The following PDE7A variants were observed in gnomAD, a reference collection of about 807,000 sequenced individuals.
PDE7A encodes the protein phosphodiesterase 7A.
In PDE7A, 39 loss-of-function variants were observed where a neutral mutation model predicts 64.3. The ratio of observed to expected loss-of-function variants is 0.61; its 90% CI spans 0.47 to 0.79. PDE7A has a LOEUF of 0.79. Ranked by LOEUF, PDE7A falls within the 30% of genes least tolerant of loss-of-function variation. The probability of loss-of-function intolerance (pLI) is 0.00; values close to 1 mark genes in which losing one functional copy is unlikely to be tolerated. For synonymous variants in PDE7A, 203 were observed against 206.8 expected (o/e 0.98, Z 0.16); for missense variants, 470 against 582.8 (o/e 0.81, Z 1.99).
At chr8:65,724,678 A>G in intron 10 of PDE7A, 99 bp downstream of exon 10, 1 of 1,067,320 alleles carries the variant, frequency 9.4e-7, no homozygotes, top group Non-Finnish European at 1.4e-6. Flanking sequence ...TGCCCTCAAG[A>G]TTTAACCATT....
chr8:65,806,674 C>T lies in PDE7A; in HGVS notation c.139-23831G>A, dbSNP rs1008473388. 3.3e-5 allele frequency among the ~76,000 whole-genome samples: 5 copies of T among 152,322 alleles called. No homozygotes were observed. The East Asian group carries it at 5.8e-4, about 18-fold the overall frequency. On this transcript the variant is annotated intron_variant, in intron 1 of 12. Coordinates refer to ENST00000401827, the MANE Select transcript of PDE7A (RefSeq NM_001242318.3). ...TGCATGTAAGTGAATGTTCCATACA[C>T]GTGTTACTGATTCACAAAGTTTGGG...
chr8:65,717,135 A>C lies in PDE7A; in HGVS notation c.*2155T>G, dbSNP rs553020589. Among the ~76,000 whole-genome samples, 4 of 152,308 alleles carry C rather than the reference A, an allele frequency of 2.6e-5. No individual in the cohort carries two copies. The South Asian group carries it at 6.2e-4, about 24-fold the overall frequency. On this transcript the variant is annotated 3_prime_UTR_variant, in exon 13 of 13. Transcript: ENST00000401827. ...ACTAAAATTAATTCCATGTTTTCTA[A>C]ATGTGGCTACTAGAAAACCGAAAAT... is the stretch of plus-strand genomic sequence containing the variant.
intron 3 of PDE7A, among the ~76,000 whole-genome samples, chr8:65,754,495 G>A (rs1372688369): frequency 3.3e-5 from 5 of 151,408 alleles, no homozygotes; most frequent in African/African-American, 1.2e-4. Flanking sequence ...CCACCACCAT[G>A]CCCAACTAAT....
chr8:65,810,645 T>C (rs1810238648), intron 1 of PDE7A, among the ~76,000 whole-genome samples: 1 of 152,068 alleles, frequency 6.6e-6, no homozygotes, highest in African/African-American at 2.4e-5. Context: ...TATTAGAATA[T>C]CCACTAAGGT....
At chr8:65,791,613 C>T (rs540468666) in intron 1 of PDE7A, among the ~76,000 whole-genome samples, 1 of 152,240 alleles carries the variant, frequency 6.6e-6, no homozygotes, top group South Asian at 2.1e-4. Context: ...AGGTTGGCTC[C>T]CTAAAATGCT....
At chr8:65,762,238 C>T (rs990048543) in intron 3 of PDE7A, among the ~76,000 whole-genome samples, 3 of 152,154 alleles carry the variant, frequency 2.0e-5, no homozygotes, top group Admixed American at 2.0e-4. Flanking sequence ...CTCTTGATTT[C>T]CCTCAAAAAG....
intron 1 of PDE7A, among the ~76,000 whole-genome samples, chr8:65,807,072 C>T (rs1255968739): frequency 1.3e-5 from 2 of 152,188 alleles, no homozygotes; most frequent in Non-Finnish European, 2.9e-5. Context: ...ATTTCTACAG[C>T]AATCAGCTGG....
At chr8:65,766,508 T>C (rs962576992) in intron 3 of PDE7A, among the ~76,000 whole-genome samples, 3 of 152,144 alleles carry the variant, frequency 2.0e-5, no homozygotes, top group African/African-American at 4.8e-5. Context: ...GACGCTGCCA[T>C]AGTAAAAAAT....
Position 65,739,570 on chromosome 8 carries a change from T to C in PDE7A, c.527A>G (p.His176Arg). The C allele has an allele frequency of 2.6e-6, 4 of 1,555,876 alleles. No individual in the cohort carries two copies. Among genetic ancestry groups the C allele is most frequent in the Non-Finnish European group, 3.5e-6 (4 of 1,156,842 alleles). ...NGNSLVSLTF[H>R]LFSLHGLIEY... ...AATTAATCCATGAAGACTAAATAAA[T>C]GAAAGGTTAAGCTTACTAGACTATT... The change falls in exon 6 of 13, where the codon CAT becomes CGT. Residue 176 changes from histidine (H) to arginine (R), a missense_variant. His to Arg is a conservative substitution (Grantham distance 29). Coordinates refer to ENST00000401827, the MANE Select transcript of PDE7A (RefSeq NM_001242318.3).
chr8:65,800,453 T>C (rs1314025605), intron 1 of PDE7A, among the ~76,000 whole-genome samples: 1 of 152,242 alleles, frequency 6.6e-6, no homozygotes, highest in African/African-American at 2.4e-5. Context: ...TATTGAAGTA[T>C]GATTTTGCCT....
chr8:65,761,057 GT>G (rs561461159), intron 3 of PDE7A, among the ~76,000 whole-genome samples: 2 of 151,220 alleles, frequency 1.3e-5, no homozygotes, highest in Non-Finnish European at 3.0e-5. Context: ...TACCAATATT[GT>G]TTTTTCTTTT....
At chr8:65,740,556 A>G (rs1056582490) in intron 5 of PDE7A, among the ~76,000 whole-genome samples, 2 of 152,078 alleles carry the variant, frequency 1.3e-5, no homozygotes, top group African/African-American at 4.8e-5. Flanking sequence ...ACCCGCCACC[A>G]AGCCCGGCTA....
chr8:65,784,429 T>C (rs960932848), intron 1 of PDE7A, among the ~76,000 whole-genome samples: 1 of 152,122 alleles, frequency 6.6e-6, no homozygotes, highest in Non-Finnish European at 1.5e-5. Flanking sequence ...AAAGCTATAT[T>C]ATTACCTTCC....
At chr8:65,812,967 T>C (rs953155503) in intron 1 of PDE7A, among the ~76,000 whole-genome samples, 4 of 151,982 alleles carry the variant, frequency 2.6e-5, no homozygotes, top group African/African-American at 9.7e-5. Context: ...AGAATAAATT[T>C]TCAAATGAAC....
intron 5 of PDE7A, among the ~76,000 whole-genome samples, chr8:65,741,239 C>T (rs76135647): frequency 0.017 from 2,597 of 152,266 alleles, 33 homozygotes; most frequent in Middle Eastern, 0.034. Flanking sequence ...ACATCCTTCA[C>T]ATAGACTCAT....
intron 1 of PDE7A, among the ~76,000 whole-genome samples, chr8:65,813,210 G>C (rs548705918): frequency 6.6e-6 from 1 of 152,234 alleles, no homozygotes; most frequent in South Asian, 2.1e-4. Flanking sequence ...CATAGCTTCT[G>C]ACCCAAGTTC....
intron 6 of PDE7A, among the ~76,000 whole-genome samples, chr8:65,737,594 A>G (rs2128899541): frequency 6.6e-6 from 1 of 151,888 alleles, no homozygotes; most frequent in East Asian, 1.9e-4. Flanking sequence ...CTCTCTCTCA[A>G]TCTCACCTCT....
intron 1 of PDE7A, among the ~76,000 whole-genome samples, chr8:65,829,567 G>A (rs1810761851): frequency 6.6e-6 from 1 of 152,092 alleles, no homozygotes; most frequent in Admixed American, 6.6e-5. Context: ...AGGGAATATA[G>A]TGAGAAAAGC....
In PDE7A at chr8:65,841,666, A is replaced by C; in HGVS notation, c.-158T>G. On this transcript the variant is annotated 5_prime_UTR_variant, in exon 1 of 13. Transcript: ENST00000401827. The stretch of plus-strand genomic sequence containing the variant: ...GGGAAGCCGCGCTCACGCCTCCCCA[A>C]CCCCAGCCCTCCGCTCGGGCCGCCG... 1.2e-5 allele frequency: 2 copies of C among 169,192 alleles called. No individual in the cohort carries two copies. Among genetic ancestry groups the C allele is most frequent in the Non-Finnish European group, 2.4e-5 (2 of 83,036 alleles). The allele number at this position is 169,192 out of a possible 1,614,324, so 10.5% of individuals were successfully genotyped here.
Sources: allele counts gnomAD v4.1 joint callset (sites outside exome capture counted in the v4.1 genomes callset), GRCh38; gene constraint gnomAD v4.1.1; transcripts MANE v1.5; gene names NCBI Gene and HGNC (gene_info 2026-07-23, HGNC 2026-07-21).